MGAT5: variants seen among roughly 807,000 people sequenced by gnomAD.
MGAT5 encodes the protein alpha-1,6-mannosylglycoprotein 6-beta-N-acetylglucosaminyltransferase.
A neutral mutation model predicts 94.3 loss-of-function variants in MGAT5; 30 were observed. That is an observed-to-expected ratio of 0.32 (90% CI 0.24 to 0.43). MGAT5 has a LOEUF of 0.43. Ranked by LOEUF, MGAT5 falls within the 20% of genes least tolerant of loss-of-function variation. MGAT5 has a pLI of 1.00. For synonymous variants in MGAT5, 310 were observed against 322.9 expected, an observed-to-expected ratio of 0.96 and a Z score of 0.43; for missense variants, 691 against 905.5, an observed-to-expected ratio of 0.76 and a Z score of 3.04.
intron 1 of MGAT5, among the ~76,000 whole-genome samples, chr2:134,120,852 C>T (rs999833231): frequency 1.8e-4 from 28 of 151,784 alleles, no homozygotes; most frequent in Non-Finnish European, 2.8e-4. Flanking sequence ...CGGGCTGGCG[C>T]TCCGGGCCAG....
intron 1 of MGAT5, among the ~76,000 whole-genome samples, chr2:134,243,217 GAC>G (rs1161130551): frequency 2.6e-5 from 4 of 152,050 alleles, no homozygotes; most frequent in Admixed American, 2.0e-4. Flanking sequence ...CCACACCTGA[GAC>G]AAAGTAAATC....
intron 12 of MGAT5, among the ~76,000 whole-genome samples, chr2:134,418,760 G>A (rs1011188508): frequency 1.3e-5 from 2 of 152,226 alleles, no homozygotes; most frequent in Non-Finnish European, 1.5e-5. Context: ...CGGGTCTCAA[G>A]CCTGAGAAGC....
intron 2 of MGAT5, among the ~76,000 whole-genome samples, chr2:134,291,573 A>G (rs1685366623): frequency 6.6e-6 from 1 of 152,198 alleles, no homozygotes; most frequent in African/African-American, 2.4e-5. Flanking sequence ...CTGGAAAAGC[A>G]TTCATGACAA....
intron 1 of MGAT5, among the ~76,000 whole-genome samples, chr2:134,180,774 G>A (rs1187313995): frequency 6.6e-6 from 1 of 152,132 alleles, no homozygotes; most frequent in East Asian, 1.9e-4. Flanking sequence ...AGGAGACCAG[G>A]AATGTTTTCT....
chr2:134,182,780 GTT>G (rs5834402), intron 1 of MGAT5, among the ~76,000 whole-genome samples: 2,808 of 86,778 alleles, frequency 0.032, 43 homozygotes, highest in African/African-American at 0.12. Flanking sequence ...TAGAAGATTA[GTT>G]TTTTTTTTTT....
intron 1 of MGAT5, among the ~76,000 whole-genome samples, chr2:134,242,968 T>G (rs957180063): frequency 6.6e-6 from 1 of 151,732 alleles, no homozygotes; most frequent in Admixed American, 6.6e-5. Context: ...TTGTGATTCC[T>G]TTAAGGAGAA....
chr2:134,367,472 A>G (rs11695983), intron 10 of MGAT5, among the ~76,000 whole-genome samples: 90,552 of 152,194 alleles, frequency 0.59, 30,777 homozygotes, highest in Non-Finnish European at 0.76. Context: ...TTCCTTGTCC[A>G]TGGCTGCTTT....
intron 6 of MGAT5, 106 bp downstream of exon 6, chr2:134,338,526 T>C (rs7598410): frequency 0.99 from 1,211,940 of 1,228,628 alleles, 597,930 homozygotes; most frequent in East Asian, 1. Context: ...AATGATATTC[T>C]CTCAGGGTGA....
At chr2:134,329,815 G>A (rs1007517110) in intron 4 of MGAT5, among the ~76,000 whole-genome samples, 9 of 152,124 alleles carry the variant, frequency 5.9e-5, no homozygotes, top group Admixed American at 3.9e-4. Context: ...CAGATAAGGA[G>A]TCGGACCAAA....
intron 14 of MGAT5, among the ~76,000 whole-genome samples, chr2:134,439,626 G>A (rs1685363326): frequency 6.6e-6 from 1 of 152,186 alleles, no homozygotes; most frequent in African/African-American, 2.4e-5. Context: ...GAATCCAGGA[G>A]GCGGAGGTAG....
chr2:134,170,045 A>G (rs981428345), intron 1 of MGAT5, among the ~76,000 whole-genome samples: 1 of 152,232 alleles, frequency 6.6e-6, no homozygotes, highest in African/African-American at 2.4e-5. Context: ...GAAAATTGCC[A>G]TATGATGCAC....
At chr2:134,279,007 C>T (rs1222938451) in intron 2 of MGAT5, among the ~76,000 whole-genome samples, 3 of 152,184 alleles carry the variant, frequency 2.0e-5, no homozygotes, top group East Asian at 3.8e-4. Context: ...AGTCTGTAAG[C>T]TCCTCAAAGG....
chr2:134,431,629 C>T (rs1684881033), intron 14 of MGAT5, among the ~76,000 whole-genome samples: 1 of 152,142 alleles, frequency 6.6e-6, no homozygotes, highest in Non-Finnish European at 1.5e-5. Context: ...CCGAGGAGGC[C>T]CTTCCCATCC....
At chr2:134,225,850 C>T (rs544258612) in intron 1 of MGAT5, among the ~76,000 whole-genome samples, 33 of 152,330 alleles carry the variant, frequency 2.2e-4, no homozygotes, top group Non-Finnish European at 4.6e-4. Flanking sequence ...TATCCCACTG[C>T]TGGGGTGTCA....
At chr2:134,395,130 G>A (rs1682633291) in intron 10 of MGAT5, among the ~76,000 whole-genome samples, 1 of 152,270 alleles carries the variant, frequency 6.6e-6, no homozygotes, top group East Asian at 1.9e-4. Context: ...GTTGCTTTAG[G>A]ACCATGCCAA....
At chr2:134,202,125 C>T (rs1230151037) in intron 1 of MGAT5, among the ~76,000 whole-genome samples, 1 of 152,182 alleles carries the variant, frequency 6.6e-6, no homozygotes, top group Non-Finnish European at 1.5e-5. Flanking sequence ...CCTCTGCCAC[C>T]TGACCCAGCA....
At chr2:134,321,821 C>T (rs183663777) in intron 4 of MGAT5, among the ~76,000 whole-genome samples, 1 of 152,224 alleles carries the variant, frequency 6.6e-6, no homozygotes, top group African/African-American at 2.4e-5. Context: ...GTAAAAGCAA[C>T]AGGAAGAAAG....
chr2:134,397,522 GCC>G (rs2106275198), intron 10 of MGAT5, among the ~76,000 whole-genome samples: 2 of 152,238 alleles, frequency 1.3e-5, no homozygotes, highest in African/African-American at 4.8e-5. Flanking sequence ...GGTTTTATTC[GCC>G]CTGCTCCTTC....
intron 8 of MGAT5, among the ~76,000 whole-genome samples, chr2:134,347,989 G>A (rs3828179): frequency 0.58 from 87,933 of 152,020 alleles, 27,027 homozygotes; most frequent in Admixed American, 0.68. Flanking sequence ...ACAAATCAGC[G>A]TGGGTCCTGT....
Sources: gnomAD v4.1 joint callset for allele counts (sites outside exome capture counted in the v4.1 genomes callset) on GRCh38, gnomAD v4.1.1 for gene constraint, MANE v1.5 for transcripts, NCBI Gene and HGNC (gene_info 2026-07-23, HGNC 2026-07-21) for gene names.